Variants in ASB4 observed in about 807,000 individuals in gnomAD.
The protein encoded by ASB4 is ankyrin repeat and SOCS box protein 4.
Under a neutral mutation model 38.6 loss-of-function variants are expected in ASB4, and 35 were observed. The ratio of observed to expected loss-of-function variants is 0.91; its 90% CI spans 0.69 to 1.20. The LOEUF (loss-of-function observed/expected upper bound fraction) is 1.20, where lower values mean the gene tolerates loss of function less well. Ranked by LOEUF, ASB4 falls within the 50% of genes most tolerant of loss-of-function variation. ASB4 has a pLI of 0.00. For missense variants in ASB4, 557 were observed against 527.2 expected (o/e 1.06, Z -0.55); for synonymous variants, 195 against 201.3 (o/e 0.97, Z 0.26).
At chr7:95,537,280 A>G (rs1790901267) in intron 4 of ASB4, among the ~76,000 whole-genome samples, 1 of 152,218 alleles carries the variant, frequency 6.6e-6, no homozygotes, top group African/African-American at 2.4e-5. Context: ...CACCAAGCAC[A>G]TAATGTGTTT....
chr7:95,527,351 C>T (rs565527599), intron 2 of ASB4, among the ~76,000 whole-genome samples: 1 of 152,264 alleles, frequency 6.6e-6, no homozygotes, highest in Admixed American at 6.5e-5. Flanking sequence ...TTAGGTTTAT[C>T]TGCTATGAAA....
chr7:95,515,164 TTTC>T (rs1790539306), intron 2 of ASB4, among the ~76,000 whole-genome samples: 1 of 80,234 alleles, frequency 1.2e-5, no homozygotes, highest in African/African-American at 6.7e-5. Flanking sequence ...TTTCTTTCTC[TTTC>T]TCTTTCTTTC....
At chr7:95,532,349 A>G (rs1031422186) in intron 3 of ASB4, among the ~76,000 whole-genome samples, 1 of 152,184 alleles carries the variant, frequency 6.6e-6, no homozygotes, top group African/African-American at 2.4e-5. Flanking sequence ...AGCGGGGGAA[A>G]AAAGAATTAT....
chr7:95,495,220 A>G (rs1562810841), intron 1 of ASB4, among the ~76,000 whole-genome samples: 1 of 152,204 alleles, frequency 6.6e-6, no homozygotes, highest in African/African-American at 2.4e-5. Flanking sequence ...AGGCAAATAA[A>G]ATCTTGGAGT....
At chr7:95,504,544 A>G (rs888279950) in intron 2 of ASB4, among the ~76,000 whole-genome samples, 1 of 152,190 alleles carries the variant, frequency 6.6e-6, no homozygotes, top group African/African-American at 2.4e-5. Flanking sequence ...ACATTTGCAA[A>G]CCACCCTGAG....
chr7:95,507,410 C>A (rs552665536), intron 2 of ASB4, among the ~76,000 whole-genome samples: 1 of 151,932 alleles, frequency 6.6e-6, no homozygotes, highest in African/African-American at 2.4e-5. Flanking sequence ...TACTCCTGTG[C>A]GAAGTCTTAG....
At chr7:95,549,284 G>A in the ASB4 span, among the ~76,000 whole-genome samples, 138 of 142,242 alleles carry the variant, frequency 9.7e-4, 2 homozygotes, top group Non-Finnish European at 1.6e-3. Context: ...ATTCCAGAAA[G>A]TTCCATAGGA....
At chr7:95,477,735 CTTT>C (rs34231561), upstream of ASB4, among the ~76,000 whole-genome samples, 25 of 142,452 alleles carry the variant, frequency 1.8e-4, no homozygotes, top group African/African-American at 2.1e-4. Context: ...TAACAAGAAC[CTTT>C]TTTTTTTTTT....
intron 2 of ASB4, among the ~76,000 whole-genome samples, chr7:95,501,525 C>G (rs886087328): frequency 6.6e-6 from 1 of 152,208 alleles, no homozygotes; most frequent in Admixed American, 6.5e-5. Context: ...CACTTAAGAT[C>G]TACTTTCAAC....
intron 2 of ASB4, among the ~76,000 whole-genome samples, chr7:95,510,917 C>T (rs1323022391): frequency 6.6e-6 from 1 of 152,150 alleles, no homozygotes; most frequent in African/African-American, 2.4e-5. Flanking sequence ...TTGTTTCTTA[C>T]TTAGGGGAGC....
At chr7:95,477,576 A>C (rs1357123235), upstream of ASB4, among the ~76,000 whole-genome samples, 3 of 152,190 alleles carry the variant, frequency 2.0e-5, no homozygotes, top group African/African-American at 7.2e-5. Context: ...ACAGAAAGGC[A>C]GCGTTGTGTA....
At chr7:95,491,410 T>C (rs1033889114) in intron 1 of ASB4, among the ~76,000 whole-genome samples, 3 of 152,160 alleles carry the variant, frequency 2.0e-5, no homozygotes, top group East Asian at 1.9e-4. Flanking sequence ...ATGGGCTTGG[T>C]TCCCCGGTTC....
chr7:95,545,248 T>C, the ASB4 span, among the ~76,000 whole-genome samples: 1 of 152,208 alleles, frequency 6.6e-6, no homozygotes, highest in East Asian at 1.9e-4. Flanking sequence ...AAGGCCGTCT[T>C]GAAGAAAATT....
intron 2 of ASB4, among the ~76,000 whole-genome samples, chr7:95,508,711 C>T (rs983022942): frequency 6.6e-6 from 1 of 151,868 alleles, no homozygotes; most frequent in Admixed American, 6.6e-5. Flanking sequence ...CAGATAGATG[C>T]TATGAAGAGA....
intron 2 of ASB4, among the ~76,000 whole-genome samples, chr7:95,509,262 C>T (rs538724055): frequency 5.6e-4 from 85 of 152,048 alleles, no homozygotes; most frequent in Non-Finnish European, 9.9e-4. Flanking sequence ...TATCTTTCCA[C>T]GAGAATTAGG....
upstream of ASB4, among the ~76,000 whole-genome samples, chr7:95,474,938 T>C (rs1789961878): frequency 6.6e-6 from 1 of 152,238 alleles, no homozygotes; most frequent in Admixed American, 6.5e-5. Flanking sequence ...CATTGAGATT[T>C]AGAAACAGTA....
intron 1 of ASB4, among the ~76,000 whole-genome samples, chr7:95,479,008 T>C (rs528667301): frequency 1.3e-5 from 2 of 152,254 alleles, no homozygotes; most frequent in Admixed American, 6.5e-5. Flanking sequence ...GGGAAGACTT[T>C]CAAAAAATCT....
chr7:95,537,964 A>T lies in ASB4; in HGVS notation c.*205A>T, dbSNP rs553817885. ...AGTTAAGGAATTTTCAAAGACAAGGATGTATTCAGAATGTACTGATAGAAC... is the reference window on the plus strand; with the variant it reads ...AGTTAAGGAATTTTCAAAGACAAGGTTGTATTCAGAATGTACTGATAGAAC... On this transcript the variant is annotated 3_prime_UTR_variant, in exon 5 of 5. Transcript: ENST00000325885. 14 of 549,868 alleles carry T rather than the reference A, an allele frequency of 2.5e-5. No homozygotes were observed. The highest frequency in any genetic ancestry group is 2.2e-4 in the African/African-American group (12 of 53,410). 34.1% of individuals were successfully genotyped at this position (549,868 alleles called of 1,614,324 possible). A position where few individuals can be genotyped will look rare whatever the true frequency, so the allele number is the denominator to read the frequency against.
At chr7:95,479,584 T>A (rs1275491850) in intron 1 of ASB4, among the ~76,000 whole-genome samples, 1 of 152,208 alleles carries the variant, frequency 6.6e-6, no homozygotes, top group Non-Finnish European at 1.5e-5. Context: ...AAATTTTTTG[T>A]GTGTTTGCCC....
Sources: allele counts gnomAD v4.1 joint callset (sites outside exome capture counted in the v4.1 genomes callset), GRCh38; gene constraint gnomAD v4.1.1; transcripts MANE v1.5; gene names NCBI Gene and HGNC (gene_info 2026-07-23, HGNC 2026-07-21).